The following ADK variants were observed in gnomAD, a reference collection of about 807,000 sequenced individuals.
ADK encodes adenosine kinase, also known as N6,N6-dimethyladenosine kinase.
A neutral mutation model predicts 44.7 loss-of-function variants in ADK; 24 were observed. The observed-to-expected ratio is 0.54, with a 90% CI of 0.39 to 0.76. ADK has a LOEUF of 0.76. Ranked by LOEUF, ADK falls within the 30% of genes least tolerant of loss-of-function variation. The pLI is 0.00. For synonymous variants in ADK, 128 were observed against 142.6 expected, an observed-to-expected ratio of 0.90 and a Z score of 0.73; for missense variants, 321 against 425.1, an observed-to-expected ratio of 0.76 and a Z score of 2.15.
intron 1 of ADK, among the ~76,000 whole-genome samples, chr10:74,173,162 T>A (rs1564571514): frequency 6.6e-6 from 1 of 150,776 alleles, no homozygotes; most frequent in Non-Finnish European, 1.5e-5. Flanking sequence ...GCATGATCTC[T>A]GCTCACTGCA....
At chr10:74,620,800 GC>G (rs1852968014) in intron 9 of ADK, among the ~76,000 whole-genome samples, 2 of 152,066 alleles carry the variant, frequency 1.3e-5, no homozygotes, top group South Asian at 4.2e-4. Context: ...GTGATAATGA[GC>G]TTTTTTCCCA....
At chr10:74,371,953 T>C in intron 4 of ADK, 1 of 1,021,066 alleles carries the variant, frequency 9.8e-7, no homozygotes, top group Non-Finnish European at 1.5e-6. Context: ...GCATCTTACG[T>C]TAACCTATCT....
At chr10:74,257,713 T>C (rs79359674) in intron 3 of ADK, among the ~76,000 whole-genome samples, 4,854 of 152,306 alleles carry the variant, frequency 0.032, 277 homozygotes, top group African/African-American at 0.11. Context: ...TATTTATTGA[T>C]AGTAAATTAG....
intron 9 of ADK, among the ~76,000 whole-genome samples, chr10:74,602,612 G>T (rs1474359116): frequency 6.6e-6 from 1 of 152,106 alleles, no homozygotes. Flanking sequence ...TTACAAGCTG[G>T]AATTTATTTG....
At chr10:74,632,952 T>C (rs577434572) in intron 9 of ADK, among the ~76,000 whole-genome samples, 3 of 152,336 alleles carry the variant, frequency 2.0e-5, no homozygotes, top group Admixed American at 6.5e-5. Flanking sequence ...GTTTATAATA[T>C]ATTCTGGAAG....
rs1188825805 is a variant in ADK, at chr10:74,283,672, T to TTTTC, written c.195-30983_195-30980dup. On this transcript the variant is annotated intron_variant, in intron 3 of 10. Transcript: ENST00000539909. ...TTAATGAGACGGAGTTTCGCTCTTG[T>TTTTC]TTTCTTTCTTTCTTTTTTTTTTTTT... is the stretch of plus-strand genomic sequence containing the variant. Among the ~76,000 whole-genome samples the TTTTC allele has an allele frequency of 6.0e-5, 9 of 149,066 alleles. 1 individual carries two copies. The highest frequency in any genetic ancestry group is 2.2e-4 in the African/African-American group (9 of 40,432).
At chr10:74,489,493 G>A (rs1165489405) in intron 6 of ADK, among the ~76,000 whole-genome samples, 2 of 151,980 alleles carry the variant, frequency 1.3e-5, no homozygotes, top group South Asian at 4.2e-4. Flanking sequence ...ATGTGTGTAT[G>A]TACATATGTG....
chr10:74,180,515 A>C (rs1042808321), intron 1 of ADK, among the ~76,000 whole-genome samples: 9 of 132,120 alleles, frequency 6.8e-5, no homozygotes, highest in Admixed American at 2.6e-4. Context: ...GCTGGAGTGC[A>C]GTGGTGCGAT....
chr10:74,411,957 A>G (rs1285034546), intron 6 of ADK, among the ~76,000 whole-genome samples: 1 of 152,206 alleles, frequency 6.6e-6, no homozygotes, highest in East Asian at 1.9e-4. Context: ...GTGTTCATCT[A>G]TAAGAAGCAA....
chr10:74,631,235 T>C (rs1284767543), intron 9 of ADK, among the ~76,000 whole-genome samples: 3 of 149,838 alleles, frequency 2.0e-5, no homozygotes, highest in East Asian at 1.9e-4. Context: ...CCTGTGTGCG[T>C]GTGTGTGTGT....
chr10:74,484,147 C>T (rs941532531), intron 6 of ADK, among the ~76,000 whole-genome samples: 1 of 152,168 alleles, frequency 6.6e-6, no homozygotes, highest in Non-Finnish European at 1.5e-5. Context: ...GTTTAATTGG[C>T]TCATAGTTCC....
chr10:74,542,908 A>ATTTT (rs1345543507), intron 7 of ADK, among the ~76,000 whole-genome samples: 1 of 150,512 alleles, frequency 6.6e-6, no homozygotes, highest in African/African-American at 2.5e-5. Context: ...TTATTTATTT[A>ATTTT]TTTTTTTAAT....
At chr10:74,156,114 C>A (rs1297563985) in intron 1 of ADK, among the ~76,000 whole-genome samples, 2 of 151,996 alleles carry the variant, frequency 1.3e-5, no homozygotes, top group Non-Finnish European at 2.9e-5. Flanking sequence ...CAGAGGAAAG[C>A]TTGCATGGAT....
chr10:74,577,192 A>G (rs758828469), intron 7 of ADK, among the ~76,000 whole-genome samples: 1 of 146,468 alleles, frequency 6.8e-6, no homozygotes, highest in Non-Finnish European at 1.5e-5. Flanking sequence ...TTTTTCAAGC[A>G]TGTTAGATTT....
intron 4 of ADK, among the ~76,000 whole-genome samples, chr10:74,339,797 AAG>A (rs1451011456): frequency 6.6e-6 from 1 of 152,246 alleles, no homozygotes. Flanking sequence ...CTGGTGGAAG[AAG>A]AATCACTCCC....
chr10:74,690,761 GCTTTCTCTCCTAA>G (rs1248160642), intron 10 of ADK, among the ~76,000 whole-genome samples: 1 of 152,102 alleles, frequency 6.6e-6, no homozygotes, highest in Non-Finnish European at 1.5e-5. Flanking sequence ...TGCATACGTG[GCTTTCTCTCCTAA>G]AGCTATAAAA....
intron 6 of ADK, among the ~76,000 whole-genome samples, chr10:74,515,954 C>T (rs1405445655): frequency 1.3e-5 from 2 of 152,118 alleles, no homozygotes; most frequent in Admixed American, 6.5e-5. Context: ...GATGGAGCCC[C>T]AGTTCTGGAG....
At chr10:74,543,091 G>A (rs950969855) in intron 7 of ADK, among the ~76,000 whole-genome samples, 6 of 151,770 alleles carry the variant, frequency 4.0e-5, no homozygotes, top group East Asian at 1.9e-4. Context: ...TAGTAAAGAC[G>A]GGGTTTCACC....
At chr10:74,262,531 G>A (rs1279160366) in intron 3 of ADK, among the ~76,000 whole-genome samples, 2 of 152,106 alleles carry the variant, frequency 1.3e-5, no homozygotes, top group Non-Finnish European at 1.5e-5. Flanking sequence ...TCAATATTGA[G>A]TTAGAATGGC....
Sources: allele counts gnomAD v4.1 joint callset (sites outside exome capture counted in the v4.1 genomes callset), GRCh38; gene constraint gnomAD v4.1.1; transcripts MANE v1.5; gene names NCBI Gene and HGNC (gene_info 2026-07-23, HGNC 2026-07-21).